CAMK1D: variants seen among roughly 807,000 people sequenced by gnomAD.
CAMK1D encodes calcium/calmodulin dependent protein kinase ID, also known as calcium/calmodulin-dependent protein kinase type 1D.
CAMK1D carries 9 observed loss-of-function variants against 47.7 expected under a neutral mutation model. The observed-to-expected ratio is 0.19, with a 90% CI of 0.11 to 0.33. The LOEUF is 0.33. Ranked by LOEUF, CAMK1D falls within the 10% of genes least tolerant of loss-of-function variation. CAMK1D has a pLI of 1.00. For synonymous variants in CAMK1D, 184 were observed against 184.9 expected, an observed-to-expected ratio of 0.99 and a Z score of 0.04; for missense variants, 291 against 488.7, an observed-to-expected ratio of 0.60 and a Z score of 3.81.
intron 1 of CAMK1D, among the ~76,000 whole-genome samples, chr10:12,423,984 G>A (rs1431219653): frequency 6.6e-6 from 1 of 152,136 alleles, no homozygotes; most frequent in South Asian, 2.1e-4. Context: ...CCCTCATCAG[G>A]TGATACCCTT....
At chr10:12,633,239 A>C (rs1839429198) in intron 2 of CAMK1D, among the ~76,000 whole-genome samples, 1 of 152,188 alleles carries the variant, frequency 6.6e-6, no homozygotes, top group South Asian at 2.1e-4. Flanking sequence ...GGTACCAGAG[A>C]GGAGCAAAAA....
intron 2 of CAMK1D, 150 bp from the exon 3 acceptor site, chr10:12,666,586 A>G (rs1840437826): frequency 1.5e-6 from 1 of 649,646 alleles, no homozygotes; most frequent in South Asian, 1.9e-5. Context: ...GGGTCTGGAA[A>G]AAGTCTGGGG....
intron 2 of CAMK1D, among the ~76,000 whole-genome samples, chr10:12,655,196 AC>A (rs1186958554): frequency 6.6e-6 from 1 of 152,142 alleles, no homozygotes; most frequent in Non-Finnish European, 1.5e-5. Flanking sequence ...CAGGAAACTT[AC>A]ACTCATGATG....
intron 3 of CAMK1D, among the ~76,000 whole-genome samples, chr10:12,747,917 C>A (rs1835761263): frequency 6.6e-6 from 1 of 152,186 alleles, no homozygotes; most frequent in East Asian, 1.9e-4. Context: ...GGCCCACTCT[C>A]ATTAGGGAAG....
chr10:12,435,658 C>T (rs1187334419), intron 1 of CAMK1D, among the ~76,000 whole-genome samples: 1 of 152,152 alleles, frequency 6.6e-6, no homozygotes, highest in Non-Finnish European at 1.5e-5. Flanking sequence ...CTCTCCTACC[C>T]TTTAATACCT....
At chr10:12,705,951 C>T in intron 3 of CAMK1D, among the ~76,000 whole-genome samples, 1 of 152,212 alleles carries the variant, frequency 6.6e-6, no homozygotes, top group East Asian at 1.9e-4. Flanking sequence ...AACTTAGCAT[C>T]CCTATTTAGC....
intron 2 of CAMK1D, among the ~76,000 whole-genome samples, chr10:12,556,146 T>C (rs1304833144): frequency 1.3e-5 from 2 of 152,224 alleles, no homozygotes; most frequent in Admixed American, 6.5e-5. Flanking sequence ...ACTGACTTTT[T>C]TTTTTGGTCC....
chr10:12,474,262 A>G lies in CAMK1D; in HGVS notation c.93-78963A>G, dbSNP rs559436042. Reference sequence around the variant, plus strand: ...CACCCAGGCTGGAGTGCAGTGGTGCAATCTCGGCTCACTGCAAGCTCCGCC... The same window carrying G: ...CACCCAGGCTGGAGTGCAGTGGTGCGATCTCGGCTCACTGCAAGCTCCGCC... On this transcript the variant is annotated intron_variant, in intron 1 of 10. Coordinates refer to ENST00000619168, the MANE Select transcript of CAMK1D (RefSeq NM_153498.4). Among the ~76,000 whole-genome samples the G allele has an allele frequency of 1.6e-4, 24 of 146,176 alleles. No homozygotes were observed. The East Asian group carries it at 4.7e-3, about 28-fold the overall frequency.
intron 1 of CAMK1D, among the ~76,000 whole-genome samples, chr10:12,484,272 C>T (rs569731626): frequency 2.6e-5 from 4 of 152,352 alleles, no homozygotes; most frequent in African/African-American, 9.6e-5. Flanking sequence ...GCCTGCTCTG[C>T]GGCTGGCAAC....
chr10:12,797,427 C>T (rs1223583416), intron 6 of CAMK1D, among the ~76,000 whole-genome samples: 2 of 151,798 alleles, frequency 1.3e-5, no homozygotes, highest in African/African-American at 2.4e-5. Flanking sequence ...ACTATGTTGC[C>T]CAGGCTAATC....
At chr10:12,409,441 A>T (rs139224231) in intron 1 of CAMK1D, among the ~76,000 whole-genome samples, 1,703 of 152,322 alleles carry the variant, frequency 0.011, 22 homozygotes, top group Middle Eastern at 0.027. Context: ...CCCCAGTGCT[A>T]CTTGAAATCT....
At chr10:12,759,925 C>T (rs1836421055) in intron 3 of CAMK1D, among the ~76,000 whole-genome samples, 1 of 152,124 alleles carries the variant, frequency 6.6e-6, no homozygotes, top group Non-Finnish European at 1.5e-5. Context: ...TCTGTGAAAG[C>T]TTTAAGGGTT....
At position 12,401,066 on chromosome 10, in the gene CAMK1D, T is replaced by A. The variant is rs113686438; in HGVS notation, c.92+51156T>A. Among the ~76,000 whole-genome samples the A allele has an allele frequency of 1.4e-3, 117 of 86,636 alleles. 1 individual carries two copies. The highest frequency in any genetic ancestry group is 4.4e-3 in the African/African-American group (101 of 22,818). The allele number at this position is 86,636 out of a possible 152,430, so 56.8% of individuals were successfully genotyped here. On this transcript the variant is annotated intron_variant, in intron 1 of 10. Transcript: ENST00000619168. ...GTATTATATATATTATATATATATT[T>A]TATATATATAATATATGTATTATAT...
intron 3 of CAMK1D, among the ~76,000 whole-genome samples, chr10:12,756,019 G>A (rs187930092): frequency 1.9e-4 from 29 of 152,238 alleles, no homozygotes; most frequent in African/African-American, 4.1e-4. Flanking sequence ...AAGGTATTTC[G>A]AAGGTGAATT....
At chr10:12,560,570 A>AAAG (rs1486370326) in intron 2 of CAMK1D, among the ~76,000 whole-genome samples, 1 of 151,552 alleles carries the variant, frequency 6.6e-6, no homozygotes, top group Non-Finnish European at 1.5e-5. Context: ...AAAAAAAAAA[A>AAAG]AAGAAGAAGA....
At chr10:12,819,041 G>A (rs189849609) in intron 8 of CAMK1D, among the ~76,000 whole-genome samples, 2 of 152,358 alleles carry the variant, frequency 1.3e-5, no homozygotes. Flanking sequence ...AGGGAGGGAT[G>A]TGAGCCTAGT....
intron 2 of CAMK1D, among the ~76,000 whole-genome samples, chr10:12,634,919 G>C (rs1839471807): frequency 6.6e-6 from 1 of 152,242 alleles, no homozygotes; most frequent in East Asian, 1.9e-4. Flanking sequence ...AGCAGATGAG[G>C]CTTGGTTTTG....
At chr10:12,734,162 TACTA>T (rs966342241) in intron 3 of CAMK1D, among the ~76,000 whole-genome samples, 5 of 150,178 alleles carry the variant, frequency 3.3e-5, no homozygotes, top group Non-Finnish European at 7.4e-5. Context: ...ACCCTGTCTG[TACTA>T]AAACTACAAA....
intron 2 of CAMK1D, among the ~76,000 whole-genome samples, chr10:12,638,034 G>A (rs1351841592): frequency 2.0e-5 from 3 of 152,144 alleles, no homozygotes; most frequent in Admixed American, 6.5e-5. Flanking sequence ...CTGAATGGTG[G>A]AGGACGGGGG....
Sources: allele counts gnomAD v4.1 joint callset (sites outside exome capture counted in the v4.1 genomes callset), GRCh38; gene constraint gnomAD v4.1.1; transcripts MANE v1.5; gene names NCBI Gene and HGNC (gene_info 2026-07-23, HGNC 2026-07-21).